The following BANK1 variants were observed in gnomAD, a reference collection of about 807,000 sequenced individuals.
The protein encoded by BANK1 is B cell scaffold protein with ankyrin repeats 1, also known as B-cell scaffold protein with ankyrin repeats.
A neutral mutation model predicts 94.5 loss-of-function variants in BANK1; 95 were observed. That is an observed-to-expected ratio of 1.00 (90% CI 0.85 to 1.19). The LOEUF is 1.19. BANK1 is among the 50% of genes most tolerant of loss of function. The pLI, the probability that BANK1 is intolerant of heterozygous loss-of-function variation, is 0.00. For missense variants in BANK1, 987 were observed against 932.2 expected (o/e 1.06, Z -0.77); for synonymous variants, 334 against 308.4 (o/e 1.08, Z -0.87).
chr4:101,931,462 C>T (rs1385292084), intron 7 of BANK1, among the ~76,000 whole-genome samples: 1 of 151,432 alleles, frequency 6.6e-6, no homozygotes, highest in Non-Finnish European at 1.5e-5. Flanking sequence ...AGAACTATAC[C>T]ATGGGATCTC....
chr4:101,845,023 T>C (rs1727193158), intron 2 of BANK1, among the ~76,000 whole-genome samples: 1 of 152,164 alleles, frequency 6.6e-6, no homozygotes, highest in African/African-American at 2.4e-5. Context: ...CGGATATACT[T>C]ATATATAATA....
chr4:101,969,376 G>A (rs763541122), intron 7 of BANK1, among the ~76,000 whole-genome samples: 2 of 152,050 alleles, frequency 1.3e-5, no homozygotes, highest in Non-Finnish European at 2.9e-5. Flanking sequence ...AACTAATTAT[G>A]AATTAGTTTA....
At chr4:101,990,840 T>G (rs1199520514) in intron 7 of BANK1, among the ~76,000 whole-genome samples, 1 of 152,170 alleles carries the variant, frequency 6.6e-6, no homozygotes, top group African/African-American at 2.4e-5. Flanking sequence ...TTCTCATACA[T>G]AAAATTGAGA....
intron 5 of BANK1, among the ~76,000 whole-genome samples, chr4:101,871,596 G>A (rs1728289915): frequency 6.6e-6 from 1 of 152,076 alleles, no homozygotes; most frequent in Non-Finnish European, 1.5e-5. Context: ...ATTAAGACAG[G>A]TAGTGAAATA....
chr4:101,824,440 A>C (rs531161397), intron 1 of BANK1, among the ~76,000 whole-genome samples: 1 of 152,362 alleles, frequency 6.6e-6, no homozygotes, highest in Non-Finnish European at 1.5e-5. Flanking sequence ...GGAATTAGCC[A>C]CTTTCCCAGA....
At chr4:101,870,877 G>A (rs1178390250) in intron 5 of BANK1, among the ~76,000 whole-genome samples, 1 of 151,982 alleles carries the variant, frequency 6.6e-6, no homozygotes, top group Non-Finnish European at 1.5e-5. Flanking sequence ...TCATTACAAG[G>A]TAGCCATTGT....
chr4:102,022,058 A>G (rs1425067115), intron 8 of BANK1, among the ~76,000 whole-genome samples: 1 of 152,096 alleles, frequency 6.6e-6, no homozygotes, highest in Non-Finnish European at 1.5e-5. Context: ...ATATAAACGT[A>G]TATGTGTATA....
chr4:102,063,720 G>A (rs1472632211), intron 13 of BANK1, among the ~76,000 whole-genome samples: 3 of 151,574 alleles, frequency 2.0e-5, no homozygotes, highest in Non-Finnish European at 2.9e-5. Context: ...TACTCGGGAT[G>A]CTGAGGCAGG....
At chr4:102,041,963 T>C (rs3774931) in intron 10 of BANK1, among the ~76,000 whole-genome samples, 56,576 of 151,828 alleles carry the variant, frequency 0.37, 10,664 homozygotes, top group South Asian at 0.45. Flanking sequence ...TCCAAGTACT[T>C]TGTAGCTTCA....
At chr4:101,872,724 C>T (rs149472624) in intron 5 of BANK1, among the ~76,000 whole-genome samples, 49 of 152,192 alleles carry the variant, frequency 3.2e-4, no homozygotes, top group South Asian at 8.3e-4. Context: ...TGGTAACTCA[C>T]GCCTGTGGTC....
chr4:101,964,708 C>A (rs921252513), intron 7 of BANK1, among the ~76,000 whole-genome samples: 4 of 151,774 alleles, frequency 2.6e-5, no homozygotes, highest in African/African-American at 9.7e-5. Context: ...AGAAGCTCAG[C>A]TATTTTTTCC....
At chr4:101,969,234 A>AT in intron 7 of BANK1, among the ~76,000 whole-genome samples, 1 of 152,218 alleles carries the variant, frequency 6.6e-6, no homozygotes. Flanking sequence ...AAAAGCAAAG[A>AT]TCTTTTTTTT....
chr4:102,010,015 C>G (rs1462786824), intron 7 of BANK1, among the ~76,000 whole-genome samples: 2 of 152,160 alleles, frequency 1.3e-5, no homozygotes, highest in Non-Finnish European at 2.9e-5. Flanking sequence ...GCCTGTAATC[C>G]CAGCACTTTG....
chr4:102,060,109 A>G, intron 11 of BANK1, 102 bp from the exon 12 acceptor site: 1 of 1,033,346 alleles, frequency 9.7e-7, no homozygotes, highest in Non-Finnish European at 1.4e-6. Context: ...GCTCATAGAG[A>G]GTTAAGAAGA....
intron 2 of BANK1, among the ~76,000 whole-genome samples, chr4:101,839,267 G>A (rs72923467): frequency 0.026 from 4,021 of 151,972 alleles, 182 homozygotes; most frequent in African/African-American, 0.091. Context: ...ATAATAGAAG[G>A]GTTGAAATTA....
chr4:101,828,789 T>A (rs1263862827), intron 1 of BANK1, among the ~76,000 whole-genome samples: 3 of 152,182 alleles, frequency 2.0e-5, no homozygotes, highest in African/African-American at 7.2e-5. Context: ...GTGGTGACTT[T>A]GTTTTCTTTC....
rs531476541 is a variant in BANK1 at position 102,026,591 on chromosome 4, G to A, written c.1594+1082G>A. The stretch of plus-strand genomic sequence containing the variant: ...TGCCTGTAATCCCAGCACTTTGGGA[G>A]GCCGAGGCAGGCGATTCACCTGAGG... On this transcript the variant is annotated intron_variant, in intron 9 of 16. Coordinates refer to ENST00000322953, the MANE Select transcript of BANK1 (RefSeq NM_017935.5). 2.6e-5 allele frequency among the ~76,000 whole-genome samples: 4 copies of A among 152,166 alleles called. No individual in the cohort carries two copies. In the East Asian group the frequency reaches 7.7e-4, roughly 29 times the overall value.
chr4:101,836,993 C>T (rs139994633), intron 2 of BANK1, among the ~76,000 whole-genome samples: 173 of 152,266 alleles, frequency 1.1e-3, no homozygotes, highest in African/African-American at 3.9e-3. Flanking sequence ...CTACTAGAAC[C>T]TCCCAGCTGG....
chr4:101,920,806 A>C (rs1024088947), intron 7 of BANK1, among the ~76,000 whole-genome samples: 1 of 151,966 alleles, frequency 6.6e-6, no homozygotes, highest in Admixed American at 6.6e-5. Flanking sequence ...TCACTAAATA[A>C]AGTGGGTAGA....
Sources: allele counts gnomAD v4.1 joint callset (sites outside exome capture counted in the v4.1 genomes callset), GRCh38; gene constraint gnomAD v4.1.1; transcripts MANE v1.5; gene names NCBI Gene and HGNC (gene_info 2026-07-23, HGNC 2026-07-21).